The following ADAMTSL1 variants were observed in gnomAD, a reference collection of about 807,000 sequenced individuals.
The protein encoded by ADAMTSL1 is ADAMTS-like protein 1.
A neutral mutation model predicts 201.8 loss-of-function variants in ADAMTSL1; 126 were observed. The ratio of observed to expected loss-of-function variants is 0.62; its 90% CI spans 0.54 to 0.72. The LOEUF is 0.72. Ranked by LOEUF, ADAMTSL1 falls within the 30% of genes least tolerant of loss-of-function variation. The pLI, the probability that ADAMTSL1 is intolerant of heterozygous loss-of-function variation, is 0.00. For synonymous variants in ADAMTSL1, 1,121 were observed against 903.4 expected (o/e 1.24, Z -4.32); for missense variants, 2,679 against 2,277.8 (o/e 1.18, Z -3.59).
At chr9:18,611,829 A>G (rs1423862042) in intron 4 of ADAMTSL1, among the ~76,000 whole-genome samples, 3 of 152,198 alleles carry the variant, frequency 2.0e-5, no homozygotes, top group African/African-American at 4.8e-5. Context: ...GTCCTCCTCT[A>G]TAATTTAACC....
intron 2 of ADAMTSL1, among the ~76,000 whole-genome samples, chr9:18,518,857 G>A (rs770421484): frequency 3.3e-5 from 5 of 152,212 alleles, no homozygotes; most frequent in South Asian, 2.1e-4. Flanking sequence ...ACAGGCATGC[G>A]CCATGATACC....
At chr9:18,203,347 C>A (rs1829525591) in intron 2 of ADAMTSL1, among the ~76,000 whole-genome samples, 1 of 151,870 alleles carries the variant, frequency 6.6e-6, no homozygotes, top group East Asian at 1.9e-4. Context: ...CTCCAAGTCC[C>A]TTTAACTAAA....
intron 2 of ADAMTSL1, among the ~76,000 whole-genome samples, chr9:18,523,910 G>A (rs1370229766): frequency 3.7e-5 from 5 of 133,644 alleles, no homozygotes; most frequent in African/African-American, 1.1e-4. Context: ...GCTTAGGATT[G>A]ACTTGGTGAT....
At chr9:18,568,814 A>G (rs1397554776) in intron 3 of ADAMTSL1, among the ~76,000 whole-genome samples, 1 of 150,750 alleles carries the variant, frequency 6.6e-6, no homozygotes, top group Non-Finnish European at 1.5e-5. Context: ...ACCAATATTG[A>G]TTCTACACAT....
At chr9:18,804,612 A>C (rs901395920) in intron 20 of ADAMTSL1, among the ~76,000 whole-genome samples, 1 of 152,250 alleles carries the variant, frequency 6.6e-6, no homozygotes, top group Non-Finnish European at 1.5e-5. Flanking sequence ...ATTAATATTC[A>C]GAATCCATTA....
chr9:18,671,853 A>C (rs565030575), intron 9 of ADAMTSL1, among the ~76,000 whole-genome samples: 38 of 152,090 alleles, frequency 2.5e-4, no homozygotes, highest in East Asian at 1.6e-3. Flanking sequence ...CTGGCTAACA[A>C]GGTGAAACCC....
intron 1 of ADAMTSL1, among the ~76,000 whole-genome samples, chr9:18,489,523 A>G (rs907114129): frequency 2.6e-5 from 4 of 152,216 alleles, no homozygotes; most frequent in Non-Finnish European, 4.4e-5. Flanking sequence ...TACACTTTTC[A>G]TTCAAAAAAT....
At position 18,404,424 on chromosome 9, in the gene ADAMTSL1, G is replaced by A. The variant is rs141411915; in HGVS notation, c.208-100405G>A. Among the ~76,000 whole-genome samples the A allele has an allele frequency of 1.9e-3, 296 of 152,230 alleles. 3 individuals carry two copies. Among genetic ancestry groups the A allele is most frequent in the African/African-American group, 6.4e-3 (265 of 41,540 alleles). Reference sequence around the variant, plus strand: ...ATAGCTCAAAGAATGCAGGTTTTACGCATTTCTTTCTAACTGCTTTGAACC... The same window carrying A: ...ATAGCTCAAAGAATGCAGGTTTTACACATTTCTTTCTAACTGCTTTGAACC... On this transcript the variant is annotated intron_variant, in intron 2 of 29. Coordinates refer to the ADAMTSL1 transcript ENST00000680146.
chr9:18,337,951 G>A (rs548733823), intron 2 of ADAMTSL1, among the ~76,000 whole-genome samples: 52 of 152,248 alleles, frequency 3.4e-4, no homozygotes, highest in African/African-American at 1.0e-3. Flanking sequence ...TGTGATTGGC[G>A]TGGGGGTGGT....
chr9:18,032,881 GTGA>G (rs1208968691), intron 1 of ADAMTSL1, among the ~76,000 whole-genome samples: 2 of 122,174 alleles, frequency 1.6e-5, no homozygotes, highest in South Asian at 5.4e-4. Context: ...CTGGTGCTCA[GTGA>G]CTCTGTGTGG....
chr9:18,646,240 GTATCTTGAGACTTTGCTGAAGTTGCT>G (rs1462080015), intron 7 of ADAMTSL1, among the ~76,000 whole-genome samples: 27 of 152,040 alleles, frequency 1.8e-4, no homozygotes, highest in Non-Finnish European at 3.7e-4. Context: ...CATTGATTTT[GTATCTTGAGACTTTGCTGAAGTTGCT>G]TATCAGCTTA....
chr9:18,601,193 T>C (rs1824630055), intron 4 of ADAMTSL1, among the ~76,000 whole-genome samples: 1 of 152,218 alleles, frequency 6.6e-6, no homozygotes, highest in South Asian at 2.1e-4. Context: ...TATTTTAGGA[T>C]TCTTTTGGTT....
rs1156820323 is a variant in ADAMTSL1 at position 18,365,714 on chromosome 9, G to A, written c.208-139115G>A. ...TGAGAGAAAGAAAATGGGGGAGCACGATTTACGGCAGGGGTGTCCATCCCC... is the reference window on the plus strand; with the variant it reads ...TGAGAGAAAGAAAATGGGGGAGCACAATTTACGGCAGGGGTGTCCATCCCC... On this transcript the variant is annotated intron_variant, in intron 2 of 29. Transcript: ENST00000680146. Among the ~76,000 whole-genome samples, 5 of 152,122 alleles carry A rather than the reference G, an allele frequency of 3.3e-5. No homozygotes were observed. In the East Asian group the frequency reaches 9.6e-4, roughly 29 times the overall value.
intron 9 of ADAMTSL1, among the ~76,000 whole-genome samples, chr9:18,667,387 A>G (rs991398774): frequency 6.6e-6 from 1 of 152,072 alleles, no homozygotes; most frequent in South Asian, 2.1e-4. Context: ...TCTCACACCA[A>G]CTTGGTGACC....
intron 26 of ADAMTSL1, among the ~76,000 whole-genome samples, chr9:18,897,589 G>T (rs904855916): frequency 6.6e-6 from 1 of 152,232 alleles, no homozygotes; most frequent in Non-Finnish European, 1.5e-5. Flanking sequence ...TAGGCAACTA[G>T]GGCCTGGAGT....
At chr9:18,898,260 C>T (rs11543886) in intron 26 of ADAMTSL1, among the ~76,000 whole-genome samples, 20,887 of 152,034 alleles carry the variant, frequency 0.14, 2,430 homozygotes, top group African/African-American at 0.32. Flanking sequence ...GCAAAGAAGC[C>T]GAGAATCACA....
chr9:17,956,012 T>C (rs1827915690), intron 1 of ADAMTSL1, among the ~76,000 whole-genome samples: 1 of 152,220 alleles, frequency 6.6e-6, no homozygotes, highest in African/African-American at 2.4e-5. Flanking sequence ...AAAATAGTTT[T>C]GAAATTATTC....
chr9:18,357,910 C>T (rs1836325213), intron 2 of ADAMTSL1, among the ~76,000 whole-genome samples: 1 of 152,140 alleles, frequency 6.6e-6, no homozygotes, highest in Non-Finnish European at 1.5e-5. Flanking sequence ...TCCCTACCCC[C>T]ACTGCCCCAT....
At chr9:18,639,086 C>T (rs1382548710) in intron 6 of ADAMTSL1, among the ~76,000 whole-genome samples, 168 bp from the exon 7 acceptor site, 1 of 152,094 alleles carries the variant, frequency 6.6e-6, no homozygotes, top group Non-Finnish European at 1.5e-5. Context: ...TCCTATGTGA[C>T]TCAGCAGTGC....
Sources: allele counts gnomAD v4.1 joint callset (sites outside exome capture counted in the v4.1 genomes callset), GRCh38; gene constraint gnomAD v4.1.1; transcripts MANE v1.5; gene names NCBI Gene and HGNC (gene_info 2026-07-23, HGNC 2026-07-21).